The following SLC2A13 variants were observed in gnomAD, a reference collection of about 807,000 sequenced individuals.
SLC2A13 encodes solute carrier family 2 member 13.
A neutral mutation model predicts 64.4 loss-of-function variants in SLC2A13; 32 were observed. The ratio of observed to expected loss-of-function variants is 0.50; its 90% CI spans 0.37 to 0.67. The LOEUF (loss-of-function observed/expected upper bound fraction) is 0.67, where lower values mean the gene tolerates loss of function less well. Among genes scored for constraint, SLC2A13 ranks in the 30% least tolerant of loss-of-function variants. SLC2A13 has a pLI of 0.00. For synonymous variants in SLC2A13, 338 were observed against 327.1 expected (o/e 1.03, Z -0.36); for missense variants, 743 against 829.2 (o/e 0.90, Z 1.28).
chr12:40,028,585 G>T, intron 2 of SLC2A13, 76 bp from the exon 3 acceptor site: 1 of 1,429,516 alleles, frequency 7.0e-7, no homozygotes, highest in Non-Finnish European at 9.6e-7. Context: ...CTTTTGTGTT[G>T]TGTTGACAAC....
chr12:39,767,649 C>G (rs1339885287), intron 7 of SLC2A13, among the ~76,000 whole-genome samples: 1 of 151,988 alleles, frequency 6.6e-6, no homozygotes, highest in Non-Finnish European at 1.5e-5. Context: ...GTATAGCCAC[C>G]TGATATGGTT....
At chr12:40,028,211 A>T in intron 3 of SLC2A13, 90 bp downstream of exon 3, 1 of 689,576 alleles carries the variant, frequency 1.5e-6, no homozygotes, top group Non-Finnish European at 2.2e-6. Flanking sequence ...CCATATATTA[A>T]AAATATATTA....
chr12:40,017,842 C>G (rs967588417), intron 3 of SLC2A13, among the ~76,000 whole-genome samples: 43 of 152,082 alleles, frequency 2.8e-4, no homozygotes, highest in Non-Finnish European at 5.9e-5. Flanking sequence ...TGCAATACTT[C>G]TTTAGAGGTT....
intron 3 of SLC2A13, among the ~76,000 whole-genome samples, chr12:39,972,538 G>A (rs1359849299): frequency 6.6e-6 from 1 of 152,104 alleles, no homozygotes; most frequent in Non-Finnish European, 1.5e-5. Context: ...ACCTCTCTAT[G>A]TTGGATGTTG....
chr12:39,776,832 A>G (rs919906903), intron 7 of SLC2A13, among the ~76,000 whole-genome samples: 1 of 152,246 alleles, frequency 6.6e-6, no homozygotes, highest in African/African-American at 2.4e-5. Flanking sequence ...ATGAAAAGTT[A>G]TAACAAAGTG....
At chr12:39,778,921 G>T (rs1457931406) in intron 7 of SLC2A13, among the ~76,000 whole-genome samples, 2 of 152,146 alleles carry the variant, frequency 1.3e-5, no homozygotes, top group Admixed American at 6.5e-5. Context: ...TTACTTTTTA[G>T]GTTAAGAGTT....
At chr12:40,058,420 G>A (rs1199980073) in intron 1 of SLC2A13, among the ~76,000 whole-genome samples, 1 of 152,030 alleles carries the variant, frequency 6.6e-6, no homozygotes, top group Admixed American at 6.6e-5. Context: ...AGAGCAATGA[G>A]AAGAATTAGA....
At chr12:39,850,389 G>A (rs1943434607) in intron 6 of SLC2A13, among the ~76,000 whole-genome samples, 1 of 152,094 alleles carries the variant, frequency 6.6e-6, no homozygotes, top group Non-Finnish European at 1.5e-5. Flanking sequence ...CAGTTGAACT[G>A]AGCCATGGCA....
intron 6 of SLC2A13, among the ~76,000 whole-genome samples, chr12:39,851,623 T>C (rs886420200): frequency 6.6e-6 from 1 of 152,200 alleles, no homozygotes; most frequent in Non-Finnish European, 1.5e-5. Context: ...CTACAGTAAC[T>C]GTGAAATATG....
At chr12:39,830,061 G>C (rs1198882620) in intron 7 of SLC2A13, 42 bp downstream of exon 7, 3 of 1,611,364 alleles carry the variant, frequency 1.9e-6, no homozygotes, top group African/African-American at 2.7e-5. Flanking sequence ...GCCTCGTTTT[G>C]AAATATTATT....
chr12:39,881,572 C>T (rs569061388), intron 4 of SLC2A13, among the ~76,000 whole-genome samples: 1 of 152,290 alleles, frequency 6.6e-6, no homozygotes, highest in South Asian at 2.1e-4. Flanking sequence ...TTATACCTGG[C>T]CATTTACCTC....
intron 7 of SLC2A13, among the ~76,000 whole-genome samples, chr12:39,826,230 A>G (rs1231563232): frequency 6.6e-6 from 1 of 151,738 alleles, no homozygotes; most frequent in Non-Finnish European, 1.5e-5. Context: ...AAGCTTGTAA[A>G]TTTTCTAAAT....
At chr12:39,909,291 T>C (rs1945368269) in intron 4 of SLC2A13, among the ~76,000 whole-genome samples, 1 of 152,102 alleles carries the variant, frequency 6.6e-6, no homozygotes, top group African/African-American at 2.4e-5. Context: ...TTAAATAGGC[T>C]TTCTTCTCTG....
At chr12:39,806,842 T>C (rs932004831) in intron 7 of SLC2A13, among the ~76,000 whole-genome samples, 1 of 152,124 alleles carries the variant, frequency 6.6e-6, no homozygotes. Context: ...TTTAAGAGGG[T>C]TAATTGTTAA....
intron 4 of SLC2A13, among the ~76,000 whole-genome samples, chr12:39,934,947 C>T (rs1945893109): frequency 6.6e-6 from 1 of 152,080 alleles, no homozygotes; most frequent in Admixed American, 6.6e-5. Context: ...ATTTGAAATC[C>T]TGCAATTCTA....
At chr12:39,954,333 C>A (rs1343301293) in intron 3 of SLC2A13, among the ~76,000 whole-genome samples, 1 of 148,422 alleles carries the variant, frequency 6.7e-6, no homozygotes, top group Non-Finnish European at 1.5e-5. Context: ...TGGCAGAGGA[C>A]CCAGGGAGGA....
At chr12:39,837,210 G>A (rs1481472586) in intron 6 of SLC2A13, among the ~76,000 whole-genome samples, 2 of 150,776 alleles carry the variant, frequency 1.3e-5, no homozygotes, top group East Asian at 3.9e-4. Context: ...TCTGATCTTT[G>A]AGAAAGCTGA....
At chr12:40,037,219 G>C (rs1948003261) in intron 2 of SLC2A13, among the ~76,000 whole-genome samples, 1 of 152,134 alleles carries the variant, frequency 6.6e-6, no homozygotes, top group Non-Finnish European at 1.5e-5. Flanking sequence ...CCTAGTAATA[G>C]AATTATGCTG....
chr12:39,764,663 G>GA, intron 8 of SLC2A13, 51 bp from the exon 9 acceptor site: 1 of 1,581,052 alleles, frequency 6.3e-7, no homozygotes, highest in Non-Finnish European at 8.6e-7. Context: ...TAAGAAATTT[G>GA]AAAAATTATA....
Sources: allele counts gnomAD v4.1 joint callset (sites outside exome capture counted in the v4.1 genomes callset), GRCh38; gene constraint gnomAD v4.1.1; transcripts MANE v1.5; gene names NCBI Gene and HGNC (gene_info 2026-07-23, HGNC 2026-07-21).